The following FAM193A variants were observed in gnomAD, a reference collection of about 807,000 sequenced individuals.
FAM193A encodes family with sequence similarity 193 member A, also known as protein FAM193A.
In FAM193A, 22 loss-of-function variants were observed where a neutral mutation model predicts 126.5. The observed-to-expected ratio is 0.17, with a 90% CI of 0.12 to 0.25. The LOEUF (loss-of-function observed/expected upper bound fraction) is 0.25, where lower values mean the gene tolerates loss of function less well. FAM193A is among the 10% of genes least tolerant of loss of function. The pLI is 1.00. For missense variants in FAM193A, 1,675 were observed against 1,672.8 expected (o/e 1.00, Z -0.02); for synonymous variants, 761 against 646.8 (o/e 1.18, Z -2.68).
At chr4:2,693,435 T>G in intron 15 of FAM193A, 151 bp from the exon 16 acceptor site, 1 of 796,410 alleles carries the variant, frequency 1.3e-6, no homozygotes, top group Non-Finnish European at 2.0e-6. Context: ...CTGTAAGAAA[T>G]AAAGTTTATA....
rs1324883569 is a variant in FAM193A at position 2,690,627 on chromosome 4, A to C, written c.2531-71A>C. ...CCCCAGTATCAAGTGTTCAGTCATC[A>C]GCATGTCTTTTAGGGTTTAGCTAAG... On this transcript the variant is annotated intron_variant, in intron 14 of 20. Coordinates refer to ENST00000637812, the MANE Select transcript of FAM193A (RefSeq NM_001366318.2). 4 of 1,410,014 alleles carry C rather than the reference A, an allele frequency of 2.8e-6. No homozygotes were observed. In the African/African-American group the frequency reaches 4.3e-5, roughly 15 times the overall value. The allele number at this position is 1,410,014 out of a possible 1,614,324, so 87.3% of individuals were successfully genotyped here.
chr4:2,569,815 T>C (rs1739187608), intron 1 of FAM193A, among the ~76,000 whole-genome samples: 1 of 152,214 alleles, frequency 6.6e-6, no homozygotes, highest in Admixed American at 6.5e-5. Context: ...GCTAATTCCA[T>C]TAAAATAAAA....
In FAM193A at chr4:2,690,977, C is replaced by T. The variant is rs79752154; in HGVS notation, c.2803+7C>T. 6.2e-3 allele frequency: 10,007 copies of T among 1,606,410 alleles called. 123 individuals are homozygous for T. Among genetic ancestry groups the T allele is most frequent in the African/African-American group, 0.05 (3,719 of 74,732 alleles). ...AAGAGACCTCCTTCAGTAGGTAAGG[C>T]TTGAAGGCTCACTGGCCCTCGGGGT... On this transcript the variant is annotated splice_region_variant and intron_variant, in intron 15 of 20. Transcript: ENST00000637812.
At chr4:2,611,552 G>C (rs1002168010) in intron 2 of FAM193A, among the ~76,000 whole-genome samples, 2 of 152,160 alleles carry the variant, frequency 1.3e-5, no homozygotes, top group African/African-American at 4.8e-5. Flanking sequence ...GGGATTACAG[G>C]CGTGAGCCAC....
At chr4:2,730,428 C>A (rs1271173081) in intron 20 of FAM193A, among the ~76,000 whole-genome samples, 4 of 152,126 alleles carry the variant, frequency 2.6e-5, no homozygotes, top group Admixed American at 1.3e-4. Context: ...CGGTGGCTCA[C>A]GACTGTAATC....
chr4:2,659,705 C>T (rs776081994), intron 9 of FAM193A, 35 bp downstream of exon 9: 15 of 1,610,390 alleles, frequency 9.3e-6, no homozygotes, highest in Non-Finnish European at 1.3e-5. Flanking sequence ...ACGACTGGCC[C>T]ATTGGACCTT....
At chr4:2,597,344 TTTTG>T (rs1336509479) in intron 2 of FAM193A, among the ~76,000 whole-genome samples, 2 of 152,234 alleles carry the variant, frequency 1.3e-5, no homozygotes, top group Non-Finnish European at 2.9e-5. Flanking sequence ...TGTGTGGTTT[TTTTG>T]TTTGTTTTTT....
chr4:2,695,512 TC>T (rs1180297227), intron 17 of FAM193A, among the ~76,000 whole-genome samples: 4 of 152,236 alleles, frequency 2.6e-5, no homozygotes, highest in Non-Finnish European at 5.9e-5. Flanking sequence ...TGTCCATCTT[TC>T]CAGAGCTGTG....
intron 1 of FAM193A, among the ~76,000 whole-genome samples, chr4:2,558,254 G>T (rs1738383791): frequency 6.7e-6 from 1 of 150,020 alleles, no homozygotes; most frequent in Non-Finnish European, 1.5e-5. Flanking sequence ...GTTTGACAGA[G>T]CGAGACTGCA....
chr4:2,646,337 T>G (rs964291982), intron 6 of FAM193A, among the ~76,000 whole-genome samples: 2 of 151,826 alleles, frequency 1.3e-5, no homozygotes, highest in Non-Finnish European at 2.9e-5. Flanking sequence ...ACCCGGCTAA[T>G]TTTTTTGTAT....
intron 1 of FAM193A, among the ~76,000 whole-genome samples, chr4:2,594,722 C>T (rs1257236460): frequency 6.6e-6 from 1 of 151,796 alleles, no homozygotes; most frequent in Non-Finnish European, 1.5e-5. Flanking sequence ...GTTAAAAATC[C>T]TGTGTCTCCC....
intron 10 of FAM193A, 110 bp from the exon 11 acceptor site, chr4:2,662,728 T>A: frequency 1.3e-6 from 1 of 758,304 alleles, no homozygotes. Context: ...TAATACTCTT[T>A]GTAAATGAAA....
intron 12 of FAM193A, among the ~76,000 whole-genome samples, chr4:2,664,566 T>C (rs1273060666): frequency 3.1e-5 from 4 of 128,992 alleles, no homozygotes; most frequent in South Asian, 2.8e-4. Context: ...TTCTTTTTTT[T>C]TTTTTTTTTT....
At chr4:2,553,331 A>C (rs1313242772) in intron 1 of FAM193A, among the ~76,000 whole-genome samples, 2 of 151,842 alleles carry the variant, frequency 1.3e-5, no homozygotes. Context: ...TCCACATAGC[A>C]AGATCCCGTC....
At chr4:2,669,994 C>T (rs776022801) in intron 12 of FAM193A, among the ~76,000 whole-genome samples, 2 of 152,210 alleles carry the variant, frequency 1.3e-5, no homozygotes, top group East Asian at 1.9e-4. Flanking sequence ...ACCAATGTTT[C>T]TCATCACATT....
chr4:2,545,185 G>A (rs1737471935), intron 1 of FAM193A, among the ~76,000 whole-genome samples: 2 of 152,150 alleles, frequency 1.3e-5, no homozygotes, highest in Admixed American at 6.6e-5. Flanking sequence ...TAGAGATGGG[G>A]TTTCACCATG....
At chr4:2,686,027 T>G (rs1209451893) in intron 13 of FAM193A, among the ~76,000 whole-genome samples, 1 of 152,196 alleles carries the variant, frequency 6.6e-6, no homozygotes, top group Non-Finnish European at 1.5e-5. Flanking sequence ...GAGAGTTACT[T>G]TACAGTTATA....
In FAM193A at chr4:2,731,914, C is replaced by T. The variant is rs1721439087; in HGVS notation, c.*46C>T. 4 of 1,435,270 alleles carry T rather than the reference C, an allele frequency of 2.8e-6. No homozygotes were observed. Among genetic ancestry groups the T allele is most frequent in the Non-Finnish European group, 2.0e-6 (2 of 1,018,848 alleles). 88.9% of individuals were successfully genotyped at this position (1,435,270 alleles called of 1,614,324 possible). On this transcript the variant is annotated 3_prime_UTR_variant, in exon 21 of 21. Transcript: ENST00000637812. ...GACACGCGAGAGGCAGGCCAGGCTG[C>T]ACCACCCCAAGAGCCACGCCCCTCG...
At chr4:2,649,444 A>T (rs1218222086) in intron 7 of FAM193A, among the ~76,000 whole-genome samples, 2 of 151,338 alleles carry the variant, frequency 1.3e-5, no homozygotes. Context: ...AGGCTGAGGC[A>T]GGTGGATTAC....
Sources: allele counts gnomAD v4.1 joint callset (sites outside exome capture counted in the v4.1 genomes callset), GRCh38; gene constraint gnomAD v4.1.1; transcripts MANE v1.5; gene names NCBI Gene and HGNC (gene_info 2026-07-23, HGNC 2026-07-21).